Variants in ROBO1 observed in about 807,000 individuals in gnomAD.
ROBO1 encodes roundabout guidance receptor 1, also known as roundabout homolog 1.
A neutral mutation model predicts 195.9 loss-of-function variants in ROBO1; 149 were observed. That is an observed-to-expected ratio of 0.76 (90% confidence interval 0.67 to 0.87). The LOEUF is 0.87. Ranked by LOEUF, ROBO1 falls within the 40% of genes least tolerant of loss-of-function variation. The pLI, the probability that ROBO1 is intolerant of heterozygous loss-of-function variation, is 0.00. For synonymous variants in ROBO1, 816 were observed against 733.2 expected (o/e 1.11, Z -1.82); for missense variants, 1,933 against 2,068.3 (o/e 0.93, Z 1.27).
intron 2 of ROBO1, among the ~76,000 whole-genome samples, chr3:79,236,944 G>C (rs2082416830): frequency 6.6e-6 from 1 of 151,946 alleles, no homozygotes. Flanking sequence ...ACTTGACCTT[G>C]ACTAAAAGAA....
At chr3:79,444,425 A>T (rs2039166784) in intron 2 of ROBO1, among the ~76,000 whole-genome samples, 1 of 152,152 alleles carries the variant, frequency 6.6e-6, no homozygotes, top group South Asian at 2.1e-4. Context: ...TTTCAAATTG[A>T]CCAGATTGGC....
intron 2 of ROBO1, among the ~76,000 whole-genome samples, chr3:79,167,867 A>G (rs1416797804): frequency 1.3e-5 from 2 of 152,192 alleles, no homozygotes; most frequent in Non-Finnish European, 2.9e-5. Flanking sequence ...CATCTGTAAA[A>G]TGGAGATACA....
chr3:78,761,261 TA>T (rs5850392), intron 4 of ROBO1, among the ~76,000 whole-genome samples: 103,349 of 150,838 alleles, frequency 0.69, 35,428 homozygotes, highest in Middle Eastern at 0.74. Context: ...TCAAGAAACT[TA>T]AAAAAAAAAA....
Position 79,677,706 on chromosome 3 carries a change from C to A in ROBO1, c.-50-87745G>T, listed in dbSNP as rs756430850. On this transcript the variant is annotated intron_variant, in intron 1 of 30. Coordinates refer to ENST00000464233, the MANE Select transcript of ROBO1 (RefSeq NM_002941.4). ...GCTGGCCTGTAGAGGCCAAAGGTGA[C>A]CTGCAGGCAACAGCCAACAAGAAGT... Among the ~76,000 whole-genome samples the A allele has an allele frequency of 1.8e-4, 28 of 152,022 alleles. 1 individual carries two copies. The highest frequency in any genetic ancestry group is 1.1e-3 in the Admixed American group (17 of 15,244).
Position 78,943,462 on chromosome 3 carries a change from T to C in ROBO1, c.173-4535A>G, listed in dbSNP as rs548778385. ...ATGATGTTTGTACACAACAATTCAG[T>C]AAATGTCTCAGCAATAAAAATGTTT... On this transcript the variant is annotated intron_variant, in intron 3 of 30. Transcript: ENST00000464233. Among the ~76,000 whole-genome samples, 4 of 152,310 alleles carry C rather than the reference T, an allele frequency of 2.6e-5. No homozygotes were observed. In the South Asian group the frequency reaches 8.3e-4, roughly 32 times the overall value.
chr3:79,040,611 T>G (rs1441883438), intron 3 of ROBO1, among the ~76,000 whole-genome samples: 1 of 152,194 alleles, frequency 6.6e-6, no homozygotes, highest in Non-Finnish European at 1.5e-5. Context: ...TATAATTTTC[T>G]ACTCTTCACT....
intron 4 of ROBO1, among the ~76,000 whole-genome samples, chr3:78,899,319 T>C (rs1426819478): frequency 6.6e-6 from 1 of 152,166 alleles, no homozygotes; most frequent in Non-Finnish European, 1.5e-5. Flanking sequence ...GGAAATTTCA[T>C]TGCAAAGAAA....
At chr3:79,508,507 G>C (rs940391415) in intron 2 of ROBO1, among the ~76,000 whole-genome samples, 1 of 152,156 alleles carries the variant, frequency 6.6e-6, no homozygotes, top group African/African-American at 2.4e-5. Flanking sequence ...CAGTAACAAA[G>C]ATCTTTGAAC....
intron 4 of ROBO1, among the ~76,000 whole-genome samples, chr3:78,916,096 A>T (rs2038552855): frequency 6.6e-6 from 1 of 151,592 alleles, no homozygotes; most frequent in Admixed American, 6.6e-5. Flanking sequence ...CTAAAAATAC[A>T]AAAAATTAGC....
chr3:78,787,428 A>G (rs2083869939), intron 4 of ROBO1, among the ~76,000 whole-genome samples: 1 of 152,182 alleles, frequency 6.6e-6, no homozygotes, highest in Admixed American at 6.5e-5. Context: ...TTATTATCCC[A>G]TACTAACTGT....
At chr3:78,814,693 A>C (rs1487135) in intron 4 of ROBO1, among the ~76,000 whole-genome samples, 40,270 of 152,048 alleles carry the variant, frequency 0.26, 5,517 homozygotes, top group Non-Finnish European at 0.28. Context: ...CGTATTCATA[A>C]AAATATAAGG....
At chr3:79,289,334 G>C (rs2032092948) in intron 2 of ROBO1, among the ~76,000 whole-genome samples, 1 of 152,114 alleles carries the variant, frequency 6.6e-6, no homozygotes, top group Non-Finnish European at 1.5e-5. Context: ...CATTAAAACA[G>C]TAAAATAGCA....
At chr3:79,373,109 G>A (rs1037247032) in intron 2 of ROBO1, among the ~76,000 whole-genome samples, 37 of 152,096 alleles carry the variant, frequency 2.4e-4, no homozygotes, top group Admixed American at 2.6e-4. Context: ...GTAGACAGAG[G>A]CTGCAGTTGT....
At chr3:79,298,164 G>A (rs1005509106) in intron 2 of ROBO1, among the ~76,000 whole-genome samples, 1 of 152,056 alleles carries the variant, frequency 6.6e-6, no homozygotes, top group South Asian at 2.1e-4. Flanking sequence ...GAGAGAGGCA[G>A]GTTCTTTTAT....
intron 20 of ROBO1, among the ~76,000 whole-genome samples, chr3:78,646,750 C>T (rs540841733): frequency 6.6e-6 from 1 of 151,914 alleles, no homozygotes; most frequent in South Asian, 2.1e-4. Flanking sequence ...TTTATTGTGG[C>T]TTCTGCAAAT....
At chr3:79,681,016 G>T (rs1455817110) in intron 1 of ROBO1, among the ~76,000 whole-genome samples, 1 of 151,962 alleles carries the variant, frequency 6.6e-6, no homozygotes, top group African/African-American at 2.4e-5. Flanking sequence ...TGGAAAAAAT[G>T]AGTTCAAGGA....
chr3:78,649,596 T>C (rs539206351), intron 19 of ROBO1, among the ~76,000 whole-genome samples: 13 of 152,328 alleles, frequency 8.5e-5, no homozygotes, highest in African/African-American at 2.9e-4. Context: ...ACTTTCTTTT[T>C]TTCTTAAAAT....
At chr3:78,858,137 G>A (rs2034566420) in intron 4 of ROBO1, among the ~76,000 whole-genome samples, 1 of 152,068 alleles carries the variant, frequency 6.6e-6, no homozygotes, top group African/African-American at 2.4e-5. Flanking sequence ...AGGGGGACAG[G>A]GCTTTAAGTG....
intron 4 of ROBO1, among the ~76,000 whole-genome samples, chr3:78,876,724 G>A (rs185042805): frequency 3.3e-5 from 5 of 152,156 alleles, no homozygotes; most frequent in Non-Finnish European, 5.9e-5. Flanking sequence ...GGTAAAGAAC[G>A]TACTGTGGAA....
Sources: allele counts gnomAD v4.1 joint callset (sites outside exome capture counted in the v4.1 genomes callset), GRCh38; gene constraint gnomAD v4.1.1; transcripts MANE v1.5; gene names NCBI Gene and HGNC (gene_info 2026-07-23, HGNC 2026-07-21).